The following RRP15 variants were observed in gnomAD, a reference collection of about 807,000 sequenced individuals.
The protein encoded by RRP15 is RRP15-like protein.
In RRP15, 18 loss-of-function variants were observed where a neutral mutation model predicts 27.1. The ratio of observed to expected loss-of-function variants is 0.66; its 90% CI spans 0.46 to 0.98. RRP15 has a LOEUF of 0.98. Among genes scored for constraint, RRP15 ranks in the 50% least tolerant of loss-of-function variants. RRP15 has a pLI of 0.00. For synonymous variants in RRP15, 107 were observed against 109.4 expected (o/e 0.98, Z 0.14); for missense variants, 359 against 337.8 (o/e 1.06, Z -0.49).
chr1:218,310,288 A>G (rs912250397), intron 4 of RRP15, among the ~76,000 whole-genome samples: 2 of 152,180 alleles, frequency 1.3e-5, no homozygotes, highest in East Asian at 1.9e-4. Flanking sequence ...TTTTAAATTC[A>G]ATATTCCTAA....
At chr1:218,287,695 CT>C (rs35931083) in intron 1 of RRP15, among the ~76,000 whole-genome samples, 8,315 of 152,192 alleles carry the variant, frequency 0.055, 775 homozygotes, top group African/African-American at 0.19. Flanking sequence ...CTAGGCGTTG[CT>C]TACTTATATC....
intron 3 of RRP15, among the ~76,000 whole-genome samples, chr1:218,306,805 G>A (rs1655906449): frequency 6.6e-6 from 1 of 152,154 alleles, no homozygotes; most frequent in Non-Finnish European, 1.5e-5. Flanking sequence ...TATTCATCAT[G>A]TGGTCAGTAT....
chr1:218,315,139 T>G (rs896745455), intron 4 of RRP15, among the ~76,000 whole-genome samples: 5 of 152,138 alleles, frequency 3.3e-5, no homozygotes, highest in African/African-American at 1.2e-4. Flanking sequence ...TTAAATGTCA[T>G]ACATAGAGGT....
chr1:218,321,159 A>C (rs1220487537), intron 4 of RRP15, among the ~76,000 whole-genome samples: 1 of 152,164 alleles, frequency 6.6e-6, no homozygotes, highest in Non-Finnish European at 1.5e-5. Context: ...AACATTTTTA[A>C]GGGTTGTCTT....
In RRP15 at chr1:218,308,362, G is replaced by A. The variant is rs535245258; in HGVS notation, c.705+730G>A. Among the ~76,000 whole-genome samples, 7 of 151,930 alleles carry A rather than the reference G, an allele frequency of 4.6e-5. No homozygotes were observed. The East Asian group carries it at 7.7e-4, about 17-fold the overall frequency. On this transcript the variant is annotated intron_variant, in intron 4 of 4. Transcript: ENST00000366932. ...GCTGGGATTCCAGGTGTGAGCCACC[G>A]AGCCCAGCCAGTAATTTCTTTTTAA...
At chr1:218,321,184 A>G (rs1431947603) in intron 4 of RRP15, among the ~76,000 whole-genome samples, 2 of 152,234 alleles carry the variant, frequency 1.3e-5, no homozygotes, top group Admixed American at 1.3e-4. Context: ...TTCAAAATGG[A>G]CACAGACTGC....
At chr1:218,291,890 T>G (rs1224845679) in intron 1 of RRP15, among the ~76,000 whole-genome samples, 1 of 147,964 alleles carries the variant, frequency 6.8e-6, no homozygotes, top group Non-Finnish European at 1.5e-5. Context: ...TAGGCTGGAG[T>G]GCAGTGGCAT....
At chr1:218,297,195 C>T (rs1318969165) in intron 1 of RRP15, among the ~76,000 whole-genome samples, 7 of 152,166 alleles carry the variant, frequency 4.6e-5, no homozygotes, top group Non-Finnish European at 7.4e-5. Flanking sequence ...AAGAACATAA[C>T]ACCCCAAGTC....
At position 218,331,901 on chromosome 1, in the gene RRP15, A is replaced by C. The variant is rs551362492; in HGVS notation, c.*810A>C. 1 of 151,716 alleles carries C rather than the reference A, an allele frequency of 6.6e-6. No homozygotes were observed. The highest frequency in any genetic ancestry group is 1.9e-4 in the East Asian group (1 of 5,146). The allele number at this position is 151,716 out of a possible 1,614,324, so 9.4% of individuals were successfully genotyped here. A position where few individuals can be genotyped will look rare whatever the true frequency, so the allele number is the denominator to read the frequency against. Reference sequence around the variant, plus strand: ...CACCATGTTAGCCAGGATGGTCTCAATCTCCTGACCTCGTGATCCACCCGC... The same window carrying C: ...CACCATGTTAGCCAGGATGGTCTCACTCTCCTGACCTCGTGATCCACCCGC... On this transcript the variant is annotated 3_prime_UTR_variant, in exon 5 of 5. Coordinates refer to ENST00000366932, the MANE Select transcript of RRP15 (RefSeq NM_016052.4).
At chr1:218,293,144 G>A (rs1655671695) in intron 1 of RRP15, among the ~76,000 whole-genome samples, 1 of 151,582 alleles carries the variant, frequency 6.6e-6, no homozygotes. Flanking sequence ...TCCTGCCTCA[G>A]CCTTTTAATA....
intron 1 of RRP15, 68 bp from the exon 2 acceptor site, chr1:218,302,226 C>T (rs899631374): frequency 3.2e-6 from 4 of 1,262,580 alleles, no homozygotes; most frequent in African/African-American, 1.5e-5. Flanking sequence ...AGGAAGGGTT[C>T]GGGGGGCCTT....
At chr1:218,319,377 T>TAA in intron 4 of RRP15, among the ~76,000 whole-genome samples, 1 of 152,310 alleles carries the variant, frequency 6.6e-6, no homozygotes, top group South Asian at 2.1e-4. Flanking sequence ...TTTGTCTTTT[T>TAA]AAAATGTCAT....
chr1:218,327,416 C>G (rs1314394335), intron 4 of RRP15, among the ~76,000 whole-genome samples: 2 of 152,112 alleles, frequency 1.3e-5, no homozygotes, highest in Non-Finnish European at 2.9e-5. Flanking sequence ...GATTCTCCCT[C>G]CTTAGCTTCC....
chr1:218,312,427 T>A (rs894695642), intron 4 of RRP15, among the ~76,000 whole-genome samples: 2 of 152,116 alleles, frequency 1.3e-5, no homozygotes, highest in African/African-American at 4.8e-5. Context: ...TTTATTTTAT[T>A]TATATTTTTG....
At chr1:218,330,927 T>C in intron 4 of RRP15, 21 bp from the exon 5 acceptor site, 1 of 1,604,878 alleles carries the variant, frequency 6.2e-7, no homozygotes, top group Non-Finnish European at 8.5e-7. Flanking sequence ...TTGAATATTT[T>C]GATTCTATAA....
intron 4 of RRP15, among the ~76,000 whole-genome samples, chr1:218,317,576 C>A (rs927162510): frequency 6.6e-6 from 1 of 152,028 alleles, no homozygotes; most frequent in African/African-American, 2.4e-5. Context: ...CTCATAAAAC[C>A]AACTTAGAAA....
At chr1:218,288,291 T>C (rs567270416) in intron 1 of RRP15, among the ~76,000 whole-genome samples, 1 of 152,338 alleles carries the variant, frequency 6.6e-6, no homozygotes, top group Admixed American at 6.5e-5. Context: ...GAAATATTTT[T>C]CAAAAAGAAA....
chr1:218,296,684 A>G (rs1655723659), intron 1 of RRP15, among the ~76,000 whole-genome samples: 1 of 151,892 alleles, frequency 6.6e-6, no homozygotes, highest in African/African-American at 2.4e-5. Flanking sequence ...TTGTGAAATG[A>G]TAATACATAA....
intron 4 of RRP15, among the ~76,000 whole-genome samples, chr1:218,312,565 C>A (rs138667328): frequency 2.1e-4 from 32 of 152,020 alleles, no homozygotes; most frequent in African/African-American, 7.2e-4. Context: ...AGATTTGGTT[C>A]TATGGAATGA....
Sources: allele counts gnomAD v4.1 joint callset (sites outside exome capture counted in the v4.1 genomes callset), GRCh38; gene constraint gnomAD v4.1.1; transcripts MANE v1.5; gene names NCBI Gene and HGNC (gene_info 2026-07-23, HGNC 2026-07-21).